The following THSD4 variants were observed in gnomAD, a reference collection of about 807,000 sequenced individuals.
THSD4 encodes thrombospondin type-1 domain-containing protein 4.
In THSD4, 69 loss-of-function variants were observed where a neutral mutation model predicts 119.0. The observed-to-expected ratio is 0.58, with a 90% CI of 0.48 to 0.71. The LOEUF (loss-of-function observed/expected upper bound fraction) is 0.71. Ranked by LOEUF, THSD4 falls within the 30% of genes least tolerant of loss-of-function variation. The pLI is 0.00. For missense variants in THSD4, 1,393 were observed against 1,391.1 expected (o/e 1.00, Z -0.02); for synonymous variants, 524 against 540.4 (o/e 0.97, Z 0.42).
rs754247111 is a variant in THSD4 at position 71,728,663 on chromosome 15, C to T, written c.1472C>T (p.Ser491Leu). ...ACCTACAAGCGTCCAAATGAGATTTCGAGCACTGCCGGAGAGTCCTTTTTG... is the reference window on the plus strand; with the variant it reads ...ACCTACAAGCGTCCAAATGAGATTTTGAGCACTGCCGGAGAGTCCTTTTTG... ...MFTYKRPNEI[S>L]STAGESFLAE... is the part of the protein sequence containing the mutation. Residue 491 changes from serine to leucine, a missense_variant, in exon 9 of 18, where the codon TCG becomes TTG. By Grantham distance (145) the Ser-to-Leu change is moderately radical. Transcript: ENST00000261862. 3.0e-5 allele frequency: 48 copies of T among 1,614,076 alleles called. No individual in the cohort carries two copies. The highest frequency in any genetic ancestry group is 3.8e-5 in the Non-Finnish European group (45 of 1,180,050).
Position 71,299,379 on chromosome 15 carries a change from C to T in THSD4, c.1015+42664C>T, listed in dbSNP as rs971664154. Among the ~76,000 whole-genome samples the T allele has an allele frequency of 2.0e-5, 3 of 152,194 alleles. No homozygotes were observed. In the South Asian group the frequency reaches 6.2e-4, roughly 31 times the overall value. ...TATTTCACCTCTGCTCTGAAACTTG[C>T]AGGCTGCATTGAGCAAAAGAAAAAC... On this transcript the variant is annotated intron_variant, in intron 6 of 17. Transcript: ENST00000261862.
intron 1 of THSD4, among the ~76,000 whole-genome samples, chr15:71,108,958 C>T (rs1249872064): frequency 6.6e-6 from 1 of 152,206 alleles, no homozygotes. Flanking sequence ...CACCACTGCA[C>T]TCCAGCCTGG....
At chr15:71,734,337 G>A (rs966050255) in intron 10 of THSD4, among the ~76,000 whole-genome samples, 4 of 152,122 alleles carry the variant, frequency 2.6e-5, no homozygotes, top group African/African-American at 4.8e-5. Context: ...GAGCCATCAC[G>A]TCACAAAGAG....
At chr15:71,360,815 T>C (rs2045884436) in intron 6 of THSD4, among the ~76,000 whole-genome samples, 1 of 152,214 alleles carries the variant, frequency 6.6e-6, no homozygotes. Context: ...TGAAGGTGCC[T>C]TCCTTGAGCC....
At chr15:71,578,427 T>A (rs966118704) in intron 7 of THSD4, among the ~76,000 whole-genome samples, 1 of 152,114 alleles carries the variant, frequency 6.6e-6, no homozygotes. Context: ...ATTGATTTCT[T>A]TTGACTTTAT....
At chr15:71,432,627 A>G (rs979493066) in intron 7 of THSD4, among the ~76,000 whole-genome samples, 5 of 151,490 alleles carry the variant, frequency 3.3e-5, no homozygotes, top group Admixed American at 2.0e-4. Context: ...TTATTTTTGC[A>G]TCAGTATCAA....
rs887492865 is a variant in THSD4, at chr15:71,782,253, G to T, written c.*4879G>T. 4 of 151,464 alleles carry T rather than the reference G, an allele frequency of 2.6e-5. No homozygotes were observed. The highest frequency in any genetic ancestry group is 7.3e-5 in the African/African-American group (3 of 41,132). The allele number at this position is 151,464 out of a possible 1,614,324, so 9.4% of individuals were successfully genotyped here. On this transcript the variant is annotated 3_prime_UTR_variant, in exon 18 of 18. Transcript: ENST00000261862. Reference sequence around the variant, plus strand: ...TTCATTTCAGCAGATAATGATGGAGGGGGGGGGTGTCCATCGTGCTGAGGG... The same window carrying T: ...TTCATTTCAGCAGATAATGATGGAGTGGGGGGGTGTCCATCGTGCTGAGGG...
chr15:71,276,503 T>C (rs1369723507), intron 6 of THSD4, among the ~76,000 whole-genome samples: 1 of 152,180 alleles, frequency 6.6e-6, no homozygotes, highest in Non-Finnish European at 1.5e-5. Flanking sequence ...AGGAATGTTA[T>C]TGGGATTGAT....
intron 7 of THSD4, among the ~76,000 whole-genome samples, chr15:71,476,626 A>G (rs1016337503): frequency 2.6e-5 from 4 of 152,220 alleles, no homozygotes; most frequent in Middle Eastern, 3.2e-3. Context: ...CTGCTGTAGA[A>G]TGTCCTGTTT....
At position 71,420,432 on chromosome 15, in the gene THSD4, CTA is replaced by C. The variant is rs1375792373; in HGVS notation, c.1152+8611_1152+8612del. Among the ~76,000 whole-genome samples, 33 of 105,190 alleles carry C rather than the reference CTA, an allele frequency of 3.1e-4. 10 individuals are homozygous for C. Among genetic ancestry groups the C allele is most frequent in the African/African-American group, 1.0e-3 (31 of 30,808 alleles). 69.0% of individuals were successfully genotyped at this position (105,190 alleles called of 152,430 possible). A position where few individuals can be genotyped will look rare whatever the true frequency, so the allele number is the denominator to read the frequency against. On this transcript the variant is annotated intron_variant, in intron 7 of 17. Coordinates refer to ENST00000261862, the MANE Select transcript of THSD4 (RefSeq NM_024817.3). ...TTTTTTTTTAATCCATTCAGCCACT[CTA>C]TGTCTTTTGATTTGTGAGTTTTGTC...
chr15:71,197,919 A>G (rs1365662344), intron 3 of THSD4, among the ~76,000 whole-genome samples: 2 of 152,144 alleles, frequency 1.3e-5, no homozygotes, highest in Non-Finnish European at 2.9e-5. Flanking sequence ...TGATGCCACA[A>G]ATGGAAAGGC....
At chr15:71,327,202 T>C (rs1418612909) in intron 6 of THSD4, among the ~76,000 whole-genome samples, 2 of 152,188 alleles carry the variant, frequency 1.3e-5, no homozygotes, top group South Asian at 2.1e-4. Flanking sequence ...AACACTCCAA[T>C]AGACCACTTC....
At chr15:71,452,742 C>T (rs372839102) in intron 7 of THSD4, among the ~76,000 whole-genome samples, 3 of 152,002 alleles carry the variant, frequency 2.0e-5, no homozygotes, top group Admixed American at 6.6e-5. Context: ...CAGCCTCCCA[C>T]GTAGCTGGGA....
At chr15:71,407,053 A>G (rs2046619195) in intron 6 of THSD4, among the ~76,000 whole-genome samples, 1 of 152,056 alleles carries the variant, frequency 6.6e-6, no homozygotes, top group South Asian at 2.1e-4. Flanking sequence ...CTCTTTTATT[A>G]TTATAAAATG....
At chr15:71,157,332 A>T (rs997410934) in intron 3 of THSD4, among the ~76,000 whole-genome samples, 1 of 152,242 alleles carries the variant, frequency 6.6e-6, no homozygotes, top group Non-Finnish European at 1.5e-5. Flanking sequence ...AAATTGACAC[A>T]TAGTAATTAT....
intron 7 of THSD4, among the ~76,000 whole-genome samples, chr15:71,626,531 T>C (rs891740221): frequency 1.1e-4 from 17 of 152,212 alleles, no homozygotes; most frequent in Non-Finnish European, 2.2e-4. Flanking sequence ...ACACTAAATA[T>C]GCATTGAACT....
At chr15:71,611,789 G>A (rs1279114640) in intron 7 of THSD4, among the ~76,000 whole-genome samples, 1 of 152,236 alleles carries the variant, frequency 6.6e-6, no homozygotes, top group Non-Finnish European at 1.5e-5. Context: ...TACAGCATGG[G>A]TGAAAGCCCT....
In THSD4 at chr15:71,653,043, C is replaced by A. The variant is rs950959241; in HGVS notation, c.1153-7487C>A. ...CACCAGAAGGGACCTTAGAGATGAG[C>A]CAGTTCGAAGAGCAGGTTGGTCCTG... On this transcript the variant is annotated intron_variant, in intron 7 of 17. Transcript: ENST00000261862. Among the ~76,000 whole-genome samples the A allele has an allele frequency of 7.9e-5, 12 of 152,160 alleles. 1 individual carries two copies. Among genetic ancestry groups the A allele is most frequent in the African/African-American group, 2.9e-4 (12 of 41,438 alleles).
chr15:71,332,000 T>C (rs896656859), intron 6 of THSD4, among the ~76,000 whole-genome samples: 3 of 152,088 alleles, frequency 2.0e-5, no homozygotes, highest in African/African-American at 4.8e-5. Flanking sequence ...CAGATAGCAA[T>C]GCAAGTCTGA....
Sources: gnomAD v4.1 joint callset for allele counts (sites outside exome capture counted in the v4.1 genomes callset) on GRCh38, gnomAD v4.1.1 for gene constraint, MANE v1.5 for transcripts, NCBI Gene and HGNC (gene_info 2026-07-23, HGNC 2026-07-21) for gene names.